CYRIA: variants seen among roughly 807,000 people sequenced by gnomAD.
CYRIA encodes CYFIP related Rac1 interactor A, also known as CYFIP-related Rac1 interactor A.
A neutral mutation model predicts 43.9 loss-of-function variants in CYRIA; 15 were observed. The observed-to-expected ratio is 0.34, with a 90% CI of 0.23 to 0.53. The LOEUF is 0.53. Ranked by LOEUF, CYRIA falls within the 20% of genes least tolerant of loss-of-function variation. CYRIA has a pLI of 0.94. For missense variants in CYRIA, 236 were observed against 394.2 expected (o/e 0.60, Z 3.40); for synonymous variants, 117 against 136.0 (o/e 0.86, Z 0.97).
intron 1 of CYRIA, among the ~76,000 whole-genome samples, chr2:16,639,115 T>A (rs1198200448): frequency 6.6e-6 from 1 of 152,200 alleles, no homozygotes; most frequent in Non-Finnish European, 1.5e-5. Context: ...GAAAGCCACT[T>A]CCTGCAGCTG....
intron 3 of CYRIA, among the ~76,000 whole-genome samples, chr2:16,586,202 G>A (rs1409457127): frequency 2.0e-5 from 3 of 152,064 alleles, no homozygotes; most frequent in Non-Finnish European, 4.4e-5. Flanking sequence ...GTGAATAAAT[G>A]GGACACGTTA....
intron 3 of CYRIA, among the ~76,000 whole-genome samples, chr2:16,582,383 C>T (rs1667581998): frequency 6.6e-6 from 1 of 152,064 alleles, no homozygotes; most frequent in African/African-American, 2.4e-5. Context: ...TACGATTTGC[C>T]CATTTAAAGT....
intron 3 of CYRIA, among the ~76,000 whole-genome samples, chr2:16,582,825 T>C (rs1030630683): frequency 2.6e-5 from 4 of 152,234 alleles, no homozygotes; most frequent in Non-Finnish European, 5.9e-5. Flanking sequence ...TGAACATTAA[T>C]GTACAAATTC....
intron 1 of CYRIA, among the ~76,000 whole-genome samples, chr2:16,624,969 C>T (rs377227253): frequency 6.6e-6 from 1 of 152,188 alleles, no homozygotes; most frequent in East Asian, 1.9e-4. Flanking sequence ...CAGAAATAAA[C>T]TCATGTCTCC....
At chr2:16,663,270 C>A (rs896036396) in intron 1 of CYRIA, among the ~76,000 whole-genome samples, 1 of 152,186 alleles carries the variant, frequency 6.6e-6, no homozygotes, top group Non-Finnish European at 1.5e-5. Flanking sequence ...ATGCTGTCAA[C>A]CCCATTTTAA....
intron 1 of CYRIA, among the ~76,000 whole-genome samples, chr2:16,657,216 AC>A (rs1670139012): frequency 6.6e-6 from 1 of 152,112 alleles, no homozygotes; most frequent in African/African-American, 2.4e-5. Context: ...CAAAATAAGA[AC>A]CAAAATGTTC....
At chr2:16,633,572 T>C (rs1255948888) in intron 1 of CYRIA, among the ~76,000 whole-genome samples, 10 of 57,164 alleles carry the variant, frequency 1.7e-4, no homozygotes, top group Non-Finnish European at 2.6e-4. Flanking sequence ...TTTTTTTTTT[T>C]CTGTAGAGAA....
chr2:16,567,849 G>A (rs954260031), intron 3 of CYRIA, among the ~76,000 whole-genome samples: 1 of 152,150 alleles, frequency 6.6e-6, no homozygotes, highest in South Asian at 2.1e-4. Flanking sequence ...AGATGAATGT[G>A]GTCTGGAAAG....
chr2:16,614,905 A>C (rs1028911041), intron 2 of CYRIA, among the ~76,000 whole-genome samples: 2 of 152,186 alleles, frequency 1.3e-5, no homozygotes, highest in East Asian at 3.9e-4. Context: ...GTGCCTTTAG[A>C]TAAGGAAACT....
rs903727113 is a variant in CYRIA at position 16,551,662 on chromosome 2, A to G, written c.*1274T>C. ...CTTCATAATATTGTTCATCAACAAGACAAGGTGGGGCAAATGCTTGCTGGA... is the reference window on the plus strand; with the variant it reads ...CTTCATAATATTGTTCATCAACAAGGCAAGGTGGGGCAAATGCTTGCTGGA... On this transcript the variant is annotated 3_prime_UTR_variant, in exon 12 of 12. Transcript: ENST00000381323. The G allele has an allele frequency of 3.3e-5, 5 of 152,166 alleles. No individual in the cohort carries two copies. The highest frequency in any genetic ancestry group is 4.4e-5 in the Non-Finnish European group (3 of 68,016). The allele number at this position is 152,166 out of a possible 1,614,324, so 9.4% of individuals were successfully genotyped here. A position where few individuals can be genotyped will look rare whatever the true frequency, so the allele number is the denominator to read the frequency against.
chr2:16,567,052 G>A (rs779530277), intron 3 of CYRIA, among the ~76,000 whole-genome samples: 41 of 152,072 alleles, frequency 2.7e-4, no homozygotes, highest in Non-Finnish European at 5.0e-4. Flanking sequence ...ACTAATCTTC[G>A]TGGGAGTACA....
At chr2:16,560,821 T>C in intron 9 of CYRIA, 169 bp downstream of exon 9, 2 of 650,226 alleles carry the variant, frequency 3.1e-6, no homozygotes, top group Non-Finnish European at 5.5e-6. Context: ...AGCTATGCAG[T>C]AGTGATAGTG....
At chr2:16,605,158 T>C (rs969218450) in intron 2 of CYRIA, among the ~76,000 whole-genome samples, 1 of 152,176 alleles carries the variant, frequency 6.6e-6, no homozygotes, top group African/African-American at 2.4e-5. Context: ...CATTATGGAA[T>C]TGAACAATTA....
intron 3 of CYRIA, among the ~76,000 whole-genome samples, chr2:16,583,051 C>T (rs1421582070): frequency 1.3e-5 from 2 of 152,140 alleles, no homozygotes; most frequent in African/African-American, 4.8e-5. Context: ...TTAGAACAGT[C>T]CTAGTGGGTG....
At chr2:16,633,543 CTTTTTTTTTTTTTT>C (rs755223919) in intron 1 of CYRIA, among the ~76,000 whole-genome samples, 5 of 92,320 alleles carry the variant, frequency 5.4e-5, no homozygotes, top group Non-Finnish European at 1.1e-4. Flanking sequence ...CTATCCCTGG[CTTTTTTTTTTTTTT>C]TTTTTTTTTT....
At chr2:16,656,725 A>T (rs568920024) in intron 1 of CYRIA, among the ~76,000 whole-genome samples, 1 of 152,264 alleles carries the variant, frequency 6.6e-6, no homozygotes, top group African/African-American at 2.4e-5. Flanking sequence ...CAAAAGACAA[A>T]GACATAAAGA....
At chr2:16,643,202 G>A (rs1185203959) in intron 1 of CYRIA, among the ~76,000 whole-genome samples, 1 of 151,978 alleles carries the variant, frequency 6.6e-6, no homozygotes, top group African/African-American at 2.4e-5. Context: ...AGCTATGCCT[G>A]GCATGAAGTA....
chr2:16,648,327 CAAA>C (rs59091239), intron 1 of CYRIA, among the ~76,000 whole-genome samples: 2 of 122,160 alleles, frequency 1.6e-5, no homozygotes. Flanking sequence ...ATGACAACAG[CAAA>C]AAAAAAAAAA....
chr2:16,646,123 G>A (rs1558440931), intron 1 of CYRIA, among the ~76,000 whole-genome samples: 1 of 152,182 alleles, frequency 6.6e-6, no homozygotes, highest in East Asian at 1.9e-4. Flanking sequence ...CTGGGCCTCA[G>A]TATTCCCACC....
Sources: allele counts gnomAD v4.1 joint callset (sites outside exome capture counted in the v4.1 genomes callset), GRCh38; gene constraint gnomAD v4.1.1; transcripts MANE v1.5; gene names NCBI Gene and HGNC (gene_info 2026-07-23, HGNC 2026-07-21).